The following CFAP70 variants were observed in gnomAD, a reference collection of about 807,000 sequenced individuals.
CFAP70 encodes the protein cilia- and flagella-associated protein 70.
A neutral mutation model predicts 137.6 loss-of-function variants in CFAP70; 81 were observed. That is an observed-to-expected ratio of 0.59 (90% confidence interval 0.49 to 0.71). CFAP70 has a LOEUF of 0.71. Among genes scored for constraint, CFAP70 ranks in the 30% least tolerant of loss-of-function variants. The pLI, the probability that CFAP70 is intolerant of heterozygous loss-of-function variation, is 0.00. For synonymous variants in CFAP70, 382 were observed against 423.6 expected (o/e 0.90, Z 1.20); for missense variants, 976 against 1,226.7 (o/e 0.80, Z 3.05).
At chr10:73,310,292 A>G (rs779451883) in intron 11 of CFAP70, 43 bp from the exon 13 acceptor site, 1 of 1,417,708 alleles carries the variant, frequency 7.1e-7, no homozygotes, top group Admixed American at 1.9e-5. Context: ...AAAAAAATAT[A>G]TTTATGAAAA....
At chr10:73,311,886 G>A in exon 11 of CFAP70, 1 of 1,613,988 alleles carries the variant, frequency 6.2e-7, no homozygotes, top group Non-Finnish European at 8.5e-7. Context: ...AGGAGTATCT[G>A]AGCTCTGAGA....
At chr10:73,357,174 C>T (rs2054745026) in intron 1 of CFAP70, among the ~76,000 whole-genome samples, 1 of 152,006 alleles carries the variant, frequency 6.6e-6, no homozygotes, top group African/African-American at 2.4e-5. Flanking sequence ...AGCCAGTGTG[C>T]CAAGTGTGCT....
chr10:73,347,519 A>AAT (rs933173634), intron 4 of CFAP70, among the ~76,000 whole-genome samples: 3 of 152,166 alleles, frequency 2.0e-5, no homozygotes, highest in Non-Finnish European at 2.9e-5. Context: ...GGTCTGAAGG[A>AAT]ATATATATAT....
In CFAP70 at chr10:73,292,025, G is replaced by C. The variant is rs1427269274; in HGVS notation, c.1771-11C>G. 6.2e-7 allele frequency: 1 copy of C among 1,613,660 alleles called. No homozygotes were observed. The highest frequency in any genetic ancestry group is 8.5e-7 in the Non-Finnish European group (1 of 1,179,832). ...CTCACGGACCAATCTCTAAGCATCA[G>C]GAGAGCCAAGGTTATTGTGATACTA... On this transcript the variant is annotated splice_polypyrimidine_tract_variant and intron_variant, in intron 16 of 26. Coordinates refer to ENST00000310715, the Ensembl canonical transcript of CFAP70.
intron 8 of CFAP70, among the ~76,000 whole-genome samples, chr10:73,325,924 TCAA>T (rs1429858466): frequency 2.6e-5 from 4 of 152,094 alleles, no homozygotes; most frequent in African/African-American, 9.7e-5. Context: ...ATTAGACAGA[TCAA>T]CGAGACAGAA....
At chr10:73,288,367 G>T (rs1026538584) in intron 19 of CFAP70, among the ~76,000 whole-genome samples, 10 of 152,176 alleles carry the variant, frequency 6.6e-5, no homozygotes, top group Admixed American at 2.6e-4. Flanking sequence ...GCTCAGCAGA[G>T]AATAGTATGT....
At chr10:73,335,171 G>A (rs1385082936) in intron 7 of CFAP70, among the ~76,000 whole-genome samples, 1 of 150,814 alleles carries the variant, frequency 6.6e-6, no homozygotes, top group Non-Finnish European at 1.5e-5. Context: ...GGCATTATAG[G>A]CATGAGCCAC....
intron 7 of CFAP70, among the ~76,000 whole-genome samples, chr10:73,332,100 A>C (rs2052168641): frequency 6.6e-6 from 1 of 152,256 alleles, no homozygotes; most frequent in South Asian, 2.1e-4. Context: ...CAAGGAAAAC[A>C]CAGAGGATCA....
chr10:73,349,551 A>G (rs1471574237), intron 3 of CFAP70, among the ~76,000 whole-genome samples: 1 of 152,106 alleles, frequency 6.6e-6, no homozygotes, highest in Non-Finnish European at 1.5e-5. Context: ...TCAAAAAAAA[A>G]AAAAAGAAAA....
In CFAP70 at chr10:73,351,045, A is replaced by ATG. The variant is rs776068868; in HGVS notation, c.250+2509_250+2510dup. 4.4e-3 allele frequency among the ~76,000 whole-genome samples: 300 copies of ATG among 68,506 alleles called. 5 individuals carry two copies. Among genetic ancestry groups the ATG allele is most frequent in the South Asian group, 0.013 (23 of 1,810 alleles). The allele number at this position is 68,506 out of a possible 152,430, so 44.9% of individuals were successfully genotyped here. A position where few individuals can be genotyped will look rare whatever the true frequency, so the allele number is the denominator to read the frequency against. On this transcript the variant is annotated intron_variant, in intron 3 of 26. Transcript: ENST00000310715. ...TATATATGTGTATATGTGTGTATAT[A>ATG]TGTGTGTGTGTGTGTGTGTGTGTGT...
rs1376441098 is a variant in CFAP70 at position 73,275,481 on chromosome 10, C to A, written c.2638G>T (p.Glu880Ter). ...ATCTGGGCTGCTTGTTGAAGGTATT[C>A]CTCTGCCTTGGCAAAGTTCTTCTTA... Residue 880 changes from glutamate (E) to a stop codon, truncating the protein, a stop_gained, in exon 22 of 27, where the codon GAA (glutamate) becomes TAA (stop). Transcript: ENST00000310715. LOFTEE classifies it high-confidence loss of function. The surrounding 1 kb of genome is among the most constrained non-coding windows in gnomAD (Gnocchi z 4.0). 6 of 1,610,392 alleles carry A rather than the reference C, an allele frequency of 3.7e-6. No homozygotes were observed. The highest frequency in any genetic ancestry group is 1.3e-5 in the African/African-American group (1 of 74,772).
At chr10:73,339,013 G>A (rs949602107) in intron 6 of CFAP70, among the ~76,000 whole-genome samples, 1 of 151,538 alleles carries the variant, frequency 6.6e-6, no homozygotes, top group African/African-American at 2.4e-5. Flanking sequence ...TCCACCTCCA[G>A]GTTCAAGTGA....
At chr10:73,351,478 G>C (rs1271299811) in intron 3 of CFAP70, among the ~76,000 whole-genome samples, 1 of 151,942 alleles carries the variant, frequency 6.6e-6, no homozygotes, top group Admixed American at 6.6e-5. Context: ...GTGTCACTCA[G>C]GCTGGAGTGC....
chr10:73,300,163 C>T (rs2048844437), intron 12 of CFAP70, among the ~76,000 whole-genome samples: 2 of 152,154 alleles, frequency 1.3e-5, no homozygotes, highest in African/African-American at 4.8e-5. Context: ...TACAATAATG[C>T]TATCAAAACT....
In CFAP70 at chr10:73,335,417, CTCT is replaced by C. The variant is rs746851945; in HGVS notation, c.677+10_677+12del. Reference sequence around the variant, plus strand: ...TTTGTGGGTTAGACATATGTCCTTCCTCTTCTTCTTACCTGACCACTGCAGAAG... The same window carrying C: ...TTTGTGGGTTAGACATATGTCCTTCCTCTTCTTACCTGACCACTGCAGAAG... On this transcript the variant is annotated intron_variant, in intron 7 of 26. Coordinates refer to ENST00000310715, the Ensembl canonical transcript of CFAP70. 20 of 1,586,142 alleles carry C rather than the reference CTCT, an allele frequency of 1.3e-5. No homozygotes were observed. Among genetic ancestry groups the C allele is most frequent in the South Asian group, 1.1e-4 (10 of 88,700 alleles).
intron 19 of CFAP70, among the ~76,000 whole-genome samples, chr10:73,286,343 C>T (rs1309176634): frequency 6.6e-6 from 1 of 152,028 alleles, no homozygotes; most frequent in East Asian, 1.9e-4. Context: ...ACTCAGGAGG[C>T]TGAGGCAGGA....
At chr10:73,312,533 C>G in exon 10 of CFAP70, 4 of 1,613,048 alleles carry the variant, frequency 2.5e-6, no homozygotes, top group Non-Finnish European at 2.5e-6. Context: ...TATCTTCTTT[C>G]AGATTCTTAG....
chr10:73,350,110 T>C (rs1165204190), intron 3 of CFAP70, among the ~76,000 whole-genome samples: 1 of 152,234 alleles, frequency 6.6e-6, no homozygotes, highest in African/African-American at 2.4e-5. Context: ...ATGTTTCTTT[T>C]CATTTAGAAC....
At chr10:73,308,991 CTA>C (rs1319602674) in intron 12 of CFAP70, among the ~76,000 whole-genome samples, 1 of 152,022 alleles carries the variant, frequency 6.6e-6, no homozygotes, top group Non-Finnish European at 1.5e-5. Flanking sequence ...GGGGGGCACA[CTA>C]TGCCCAAAGC....
Sources: gnomAD v4.1 joint callset for allele counts (sites outside exome capture counted in the v4.1 genomes callset) on GRCh38, gnomAD v4.1.1 for gene constraint, Gnocchi (gnomAD v3.1) non-coding constraint, MANE v1.5 for transcripts, NCBI Gene and HGNC (gene_info 2026-07-23, HGNC 2026-07-21) for gene names.